Variants in KHDRBS2 observed in about 807,000 individuals in gnomAD.
The protein encoded by KHDRBS2 is KH RNA binding domain containing, signal transduction associated 2.
Under a neutral mutation model 44.3 loss-of-function variants are expected in KHDRBS2, and 26 were observed. The ratio of observed to expected loss-of-function variants is 0.59; its 90% CI spans 0.43 to 0.81. The LOEUF (loss-of-function observed/expected upper bound fraction) is 0.81. KHDRBS2 is among the 40% of genes least tolerant of loss of function. The pLI is 0.00. For missense variants in KHDRBS2, 476 were observed against 433.1 expected (o/e 1.10, Z -0.88); for synonymous variants, 194 against 151.1 (o/e 1.28, Z -2.08).
At chr6:61,775,978 A>T (rs1220594309) in intron 6 of KHDRBS2, among the ~76,000 whole-genome samples, 1 of 152,250 alleles carries the variant, frequency 6.6e-6, no homozygotes. Context: ...ACCCTCAGAA[A>T]TAATGCTGCA....
chr6:62,037,900 CAA>C (rs1432871513), intron 3 of KHDRBS2, among the ~76,000 whole-genome samples: 3 of 151,908 alleles, frequency 2.0e-5, no homozygotes, highest in Non-Finnish European at 4.4e-5. Context: ...CAAAAATATG[CAA>C]AGAGTAAACT....
chr6:61,566,896 C>A, the KHDRBS2 span, among the ~76,000 whole-genome samples: 1 of 152,002 alleles, frequency 6.6e-6, no homozygotes, highest in East Asian at 1.9e-4. Flanking sequence ...CAGCTCAAAC[C>A]AAAACAGTCA....
At chr6:62,054,535 G>A (rs1179466755) in intron 2 of KHDRBS2, among the ~76,000 whole-genome samples, 1 of 151,974 alleles carries the variant, frequency 6.6e-6, no homozygotes, top group Non-Finnish European at 1.5e-5. Context: ...TTGAGATGAG[G>A]GATTATCCTG....
chr6:61,977,614 T>C (rs1562568603), intron 4 of KHDRBS2, among the ~76,000 whole-genome samples: 1 of 152,176 alleles, frequency 6.6e-6, no homozygotes, highest in Non-Finnish European at 1.5e-5. Context: ...TGAAAATACA[T>C]TGGATATGTT....
At chr6:61,954,384 CAT>C (rs1765527796) in intron 4 of KHDRBS2, among the ~76,000 whole-genome samples, 2 of 129,360 alleles carry the variant, frequency 1.5e-5, no homozygotes, top group Non-Finnish European at 3.5e-5. Flanking sequence ...TGTATGCATG[CAT>C]ACATATATAC....
the KHDRBS2 span, among the ~76,000 whole-genome samples, chr6:61,572,504 A>G: frequency 6.6e-6 from 1 of 152,228 alleles, no homozygotes; most frequent in East Asian, 1.9e-4. Context: ...CCAGGAAAAG[A>G]CATAACAAAC....
At chr6:61,694,535 G>A (rs1324109828) in intron 8 of KHDRBS2, among the ~76,000 whole-genome samples, 3 of 152,120 alleles carry the variant, frequency 2.0e-5, no homozygotes, top group African/African-American at 4.8e-5. Context: ...AAGGCTTGCG[G>A]CCTCATTCCT....
intron 3 of KHDRBS2, among the ~76,000 whole-genome samples, chr6:61,999,135 A>C (rs1777755994): frequency 6.6e-6 from 1 of 152,106 alleles, no homozygotes; most frequent in Non-Finnish European, 1.5e-5. Flanking sequence ...GAAAGAAACA[A>C]AACTACACTT....
intron 6 of KHDRBS2, among the ~76,000 whole-genome samples, chr6:61,858,759 A>G (rs1583200921): frequency 6.6e-6 from 1 of 151,962 alleles, no homozygotes; most frequent in Non-Finnish European, 1.5e-5. Context: ...TTAAATTTTT[A>G]TATTCAAAGA....
At chr6:62,058,343 T>A (rs968389612) in intron 2 of KHDRBS2, among the ~76,000 whole-genome samples, 9 of 151,886 alleles carry the variant, frequency 5.9e-5, no homozygotes, top group African/African-American at 2.2e-4. Context: ...ATACTCAAAT[T>A]CCTTTTGTCC....
intron 4 of KHDRBS2, among the ~76,000 whole-genome samples, chr6:61,960,818 A>G (rs1432091203): frequency 1.3e-5 from 2 of 152,146 alleles, no homozygotes; most frequent in Non-Finnish European, 2.9e-5. Context: ...CATGAGGTAA[A>G]GAGTAGAAGA....
At chr6:61,892,929 G>T (rs1802209738) in intron 6 of KHDRBS2, among the ~76,000 whole-genome samples, 1 of 152,046 alleles carries the variant, frequency 6.6e-6, no homozygotes, top group Admixed American at 6.5e-5. Context: ...AAGAGCTTCT[G>T]CACAGCAAAA....
intron 1 of KHDRBS2, among the ~76,000 whole-genome samples, chr6:62,197,340 C>G (rs535018221): frequency 6.6e-6 from 1 of 151,950 alleles, no homozygotes; most frequent in East Asian, 1.9e-4. Flanking sequence ...TTTGTGAAAA[C>G]CTGTATTGTA....
chr6:61,955,433 T>G lies in KHDRBS2; in HGVS notation c.483+22633A>C, dbSNP rs1266931461. On this transcript the variant is annotated intron_variant, in intron 4 of 8. Transcript: ENST00000281156. ...ACGTGTATATATACACATACGTATG[T>G]GTATGTATACATATGTGTATATATA... Among the ~76,000 whole-genome samples the G allele has an allele frequency of 1.4e-5, 2 of 142,142 alleles. 1 individual carries two copies. Among genetic ancestry groups the G allele is most frequent in the Non-Finnish European group, 3.1e-5 (2 of 64,476 alleles). The allele number at this position is 142,142 out of a possible 152,430, so 93.3% of individuals were successfully genotyped here. A position where few individuals can be genotyped will look rare whatever the true frequency, so the allele number is the denominator to read the frequency against.
the KHDRBS2 span, among the ~76,000 whole-genome samples, chr6:61,575,247 G>A: frequency 6.6e-6 from 1 of 152,140 alleles, no homozygotes; most frequent in South Asian, 2.1e-4. Flanking sequence ...ACTCTACAAG[G>A]AACTCAAACA....
chr6:61,696,586 T>C (rs990328148), intron 8 of KHDRBS2, among the ~76,000 whole-genome samples: 3 of 152,092 alleles, frequency 2.0e-5, no homozygotes, highest in African/African-American at 7.2e-5. Context: ...TCGCAAACTA[T>C]GTCTCAAACA....
intron 2 of KHDRBS2, among the ~76,000 whole-genome samples, chr6:62,075,408 G>C (rs2127349469): frequency 6.6e-6 from 1 of 152,016 alleles, no homozygotes; most frequent in East Asian, 2.0e-4. Flanking sequence ...AATAAATTTT[G>C]TTGTTTATAA....
intron 4 of KHDRBS2, among the ~76,000 whole-genome samples, chr6:61,921,374 T>C (rs187536522): frequency 1.2e-3 from 182 of 152,096 alleles, no homozygotes; most frequent in Admixed American, 3.0e-3. Context: ...CTCCCAAGTT[T>C]CATTATGCAC....
chr6:61,831,682 T>C (rs1006839320), intron 6 of KHDRBS2, among the ~76,000 whole-genome samples: 7 of 152,150 alleles, frequency 4.6e-5, no homozygotes, highest in African/African-American at 1.7e-4. Context: ...TCAATAGATT[T>C]ATCTAAAATT....
Sources: allele counts gnomAD v4.1 joint callset (sites outside exome capture counted in the v4.1 genomes callset), GRCh38; gene constraint gnomAD v4.1.1; transcripts MANE v1.5; gene names NCBI Gene and HGNC (gene_info 2026-07-23, HGNC 2026-07-21).